ST18: variants seen among roughly 807,000 people sequenced by gnomAD.
ST18 encodes the protein suppression of tumorigenicity 18 protein.
Under a neutral mutation model 110.0 loss-of-function variants are expected in ST18, and 50 were observed. The observed-to-expected ratio is 0.45, with a 90% CI of 0.36 to 0.58. The LOEUF is 0.58. Among genes scored for constraint, ST18 ranks in the 20% least tolerant of loss-of-function variants. ST18 has a pLI of 0.00. For synonymous variants in ST18, 461 were observed against 452.4 expected (o/e 1.02, Z -0.24); for missense variants, 1,306 against 1,280.1 (o/e 1.02, Z -0.31).
chr8:52,161,314 C>T lies in ST18; in HGVS notation c.1594+61G>A, dbSNP rs1249227235. 2.6e-6 allele frequency: 4 copies of T among 1,543,380 alleles called. No individual in the cohort carries two copies. In the African/African-American group the frequency reaches 5.5e-5, roughly 21 times the overall value. ...AAGTACAGCCCCCTGGCCCCCAGTA[C>T]ACACATACACCCATACACAAGAAGC... On this transcript the variant is annotated intron_variant, in intron 14 of 25. Transcript: ENST00000689386.
intron 2 of ST18, among the ~76,000 whole-genome samples, chr8:52,362,707 C>T (rs2140464641): frequency 6.6e-6 from 1 of 152,120 alleles, no homozygotes; most frequent in East Asian, 1.9e-4. Context: ...AATCCTTGAC[C>T]CATAACTATT....
At chr8:52,239,727 C>T (rs765255058) in intron 2 of ST18, among the ~76,000 whole-genome samples, 1 of 152,162 alleles carries the variant, frequency 6.6e-6, no homozygotes, top group Non-Finnish European at 1.5e-5. Flanking sequence ...AAGCCAAAGT[C>T]TTCCCTCTCT....
At chr8:52,138,740 T>C (rs2053567648) in intron 17 of ST18, among the ~76,000 whole-genome samples, 1 of 152,206 alleles carries the variant, frequency 6.6e-6, no homozygotes, top group South Asian at 2.1e-4. Context: ...GCCTACTCAG[T>C]GTTATTTGCG....
chr8:52,141,389 C>T (rs907242541), intron 17 of ST18, among the ~76,000 whole-genome samples: 1 of 152,078 alleles, frequency 6.6e-6, no homozygotes, highest in Non-Finnish European at 1.5e-5. Context: ...ATGGTGTGGA[C>T]AAGGTACAGA....
intron 2 of ST18, among the ~76,000 whole-genome samples, chr8:52,253,929 T>C (rs547393950): frequency 6.6e-6 from 1 of 152,126 alleles, no homozygotes; most frequent in South Asian, 2.1e-4. Context: ...TCAAAACAGA[T>C]ACAATACGCT....
At chr8:52,128,943 C>T (rs1431268566) in intron 22 of ST18, among the ~76,000 whole-genome samples, 1 of 152,078 alleles carries the variant, frequency 6.6e-6, no homozygotes, top group African/African-American at 2.4e-5. Context: ...TCAGCTATTA[C>T]TAGGTAACAA....
At chr8:52,367,147 G>A (rs1219748273) in intron 2 of ST18, among the ~76,000 whole-genome samples, 5 of 151,972 alleles carry the variant, frequency 3.3e-5, no homozygotes, top group South Asian at 2.1e-4. Context: ...CACCAGAATC[G>A]CTTGAATCCG....
chr8:52,270,012 C>CT (rs11443379), intron 2 of ST18, among the ~76,000 whole-genome samples: 8,552 of 152,070 alleles, frequency 0.056, 806 homozygotes, highest in African/African-American at 0.2. Flanking sequence ...TTTTTTCCCC[C>CT]GTAACTGATC....
intron 2 of ST18, among the ~76,000 whole-genome samples, chr8:52,320,387 T>A (rs952450729): frequency 6.6e-6 from 1 of 152,248 alleles, no homozygotes; most frequent in East Asian, 1.9e-4. Flanking sequence ...ATTTTTTTTT[T>A]ACCACAAATA....
intron 3 of ST18, among the ~76,000 whole-genome samples, chr8:52,227,877 C>G (rs1333128708): frequency 6.6e-6 from 1 of 152,094 alleles, no homozygotes; most frequent in African/African-American, 2.4e-5. Flanking sequence ...GATGTAGGCT[C>G]ATGGAAGCAA....
intron 8 of ST18, among the ~76,000 whole-genome samples, chr8:52,197,381 AGG>A: frequency 6.6e-6 from 1 of 152,326 alleles, no homozygotes; most frequent in East Asian, 1.9e-4. Context: ...TTTGTGAAGC[AGG>A]CACAGCCTTA....
rs1012407540 is a variant in ST18, at chr8:52,409,612, C to T, written c.-654G>A. ...GATGCCAGCTTCTCTCTTCATGTGG[C>T]CTTATTAAAAGCCATGGTTTCCGAG... On this transcript the variant is annotated 5_prime_UTR_variant, in exon 1 of 26. Coordinates refer to ENST00000689386, the MANE Select transcript of ST18 (RefSeq NM_001352837.2). The T allele has an allele frequency of 6.6e-6, 1 of 152,168 alleles. No homozygotes were observed. Among genetic ancestry groups the T allele is most frequent in the African/African-American group, 2.4e-5 (1 of 41,426 alleles). 9.4% of individuals were successfully genotyped at this position (152,168 alleles called of 1,614,324 possible).
intron 2 of ST18, among the ~76,000 whole-genome samples, chr8:52,364,039 T>C (rs1432905000): frequency 1.3e-5 from 2 of 152,220 alleles, no homozygotes; most frequent in African/African-American, 4.8e-5. Flanking sequence ...GATTACATTA[T>C]TCCAGTTCTA....
At chr8:52,167,958 A>T (rs1273015139) in intron 10 of ST18, among the ~76,000 whole-genome samples, 1 of 152,156 alleles carries the variant, frequency 6.6e-6, no homozygotes, top group African/African-American at 2.4e-5. Flanking sequence ...TGAGGACCAA[A>T]CATGAATACT....
At chr8:52,263,066 G>C (rs7461434) in intron 2 of ST18, among the ~76,000 whole-genome samples, 46,457 of 152,054 alleles carry the variant, frequency 0.31, 7,327 homozygotes, top group Middle Eastern at 0.45. Context: ...TCTACTGTCT[G>C]CTTGGCTTTT....
At chr8:52,134,121 G>A (rs11990195) in intron 19 of ST18, among the ~76,000 whole-genome samples, 33,329 of 152,146 alleles carry the variant, frequency 0.22, 4,495 homozygotes, top group African/African-American at 0.38. Context: ...AGTGATACAC[G>A]TGAACTGCAG....
chr8:52,232,796 T>A (rs769600703), intron 2 of ST18, among the ~76,000 whole-genome samples: 5 of 151,904 alleles, frequency 3.3e-5, no homozygotes, highest in Non-Finnish European at 5.9e-5. Context: ...CTGCTGAATA[T>A]CTTTCAGTAA....
chr8:52,211,269 T>C (rs1334322526), intron 8 of ST18, among the ~76,000 whole-genome samples: 1 of 152,048 alleles, frequency 6.6e-6, no homozygotes, highest in Non-Finnish European at 1.5e-5. Flanking sequence ...TGAGGTGTAG[T>C]AGCAGCAATA....
intron 2 of ST18, among the ~76,000 whole-genome samples, chr8:52,394,531 C>G (rs933351013): frequency 5.3e-5 from 8 of 152,278 alleles, no homozygotes; most frequent in Admixed American, 5.2e-4. Flanking sequence ...TGAGCAGGCT[C>G]TTTCCTGAAT....
Sources: gnomAD v4.1 joint callset for allele counts (sites outside exome capture counted in the v4.1 genomes callset) on GRCh38, gnomAD v4.1.1 for gene constraint, MANE v1.5 for transcripts, NCBI Gene and HGNC (gene_info 2026-07-23, HGNC 2026-07-21) for gene names.